The following IQCM variants were observed in gnomAD, a reference collection of about 807,000 sequenced individuals.
IQCM encodes the protein IQ domain-containing protein M.
In IQCM, 45 loss-of-function variants were observed where a neutral mutation model predicts 57.6. That is an observed-to-expected ratio of 0.78 (90% CI 0.62 to 1.00). IQCM has a LOEUF of 1.00. Among genes scored for constraint, IQCM ranks in the 50% least tolerant of loss-of-function variants. The pLI, the probability that IQCM is intolerant of heterozygous loss-of-function variation, is 0.00. For missense variants in IQCM, 468 were observed against 511.6 expected (o/e 0.91, Z 0.82); for synonymous variants, 148 against 158.9 (o/e 0.93, Z 0.51).
In IQCM at chr4:149,615,408, G is replaced by C. The variant is rs1579710946; in HGVS notation, c.681+5721C>G. ...CTTAGTACTTCAGAGACCATAAAAA[G>C]TAATACTAGAAACTGTTTCTTCAGG... On this transcript the variant is annotated intron_variant, in intron 8 of 13. Coordinates refer to ENST00000636793, the MANE Select transcript of IQCM (RefSeq NM_001363507.2). Among the ~76,000 whole-genome samples, 5 of 152,144 alleles carry C rather than the reference G, an allele frequency of 3.3e-5. No homozygotes were observed. In the South Asian group the frequency reaches 1.0e-3, roughly 32 times the overall value.
At chr4:149,378,485 A>T (rs192120073) in intron 13 of IQCM, among the ~76,000 whole-genome samples, 1 of 152,162 alleles carries the variant, frequency 6.6e-6, no homozygotes, top group South Asian at 2.1e-4. Flanking sequence ...ACTTGTTGGG[A>T]ACTGAAGCAA....
In IQCM at chr4:149,352,061, C is replaced by T. The variant is rs762567052; in HGVS notation, c.1396G>A (p.Gly466Arg). Residue 466 changes from glycine to arginine, a missense_variant, in exon 14 of 14, where the codon GGA becomes AGA. Physicochemically the swap from Gly to Arg is moderately radical, Grantham distance 125 (BLOSUM62 -2). Coordinates refer to ENST00000636793, the MANE Select transcript of IQCM (RefSeq NM_001363507.2). ...GEEGYRYIVN[G>R]HPALKRANIR... ...TTAGCTCGTTTGAGTGCTGGATGTC[C>T]ATTTACTATAATACAAAACATACAG... 2.0e-5 allele frequency: 8 copies of T among 398,782 alleles called. No homozygotes were observed. Among genetic ancestry groups the T allele is most frequent in the Non-Finnish European group, 3.1e-5 (7 of 226,018 alleles). The allele number at this position is 398,782 out of a possible 1,614,324, so 24.7% of individuals were successfully genotyped here.
intron 8 of IQCM, among the ~76,000 whole-genome samples, chr4:149,601,824 C>T (rs1212241498): frequency 1.3e-5 from 2 of 151,696 alleles, no homozygotes; most frequent in Non-Finnish European, 2.9e-5. Context: ...TTTGAGAGGC[C>T]AAGGCAGGCA....
At chr4:149,481,970 G>A (rs1056139924) in intron 12 of IQCM, among the ~76,000 whole-genome samples, 1 of 150,788 alleles carries the variant, frequency 6.6e-6, no homozygotes, top group Admixed American at 6.6e-5. Flanking sequence ...GTGTTTTATA[G>A]TTTTCATTAT....
At chr4:149,516,613 A>G (rs1744997077) in intron 12 of IQCM, among the ~76,000 whole-genome samples, 1 of 152,168 alleles carries the variant, frequency 6.6e-6, no homozygotes, top group African/African-American at 2.4e-5. Context: ...TGTTCAATAT[A>G]TGGCACTGTT....
chr4:149,726,143 A>AAAG (rs1765920754), intron 5 of IQCM, among the ~76,000 whole-genome samples: 2 of 124,408 alleles, frequency 1.6e-5, no homozygotes, highest in African/African-American at 3.6e-5. Flanking sequence ...AAGAAAGAAA[A>AAAG]GAAAGAAAGA....
At chr4:149,368,592 G>A (rs572136709) in intron 13 of IQCM, among the ~76,000 whole-genome samples, 2 of 150,920 alleles carry the variant, frequency 1.3e-5, no homozygotes, top group South Asian at 2.1e-4. Context: ...TCTAAGCAAG[G>A]ACATGAGAGA....
chr4:149,490,058 T>G (rs945376403), intron 12 of IQCM, among the ~76,000 whole-genome samples: 1 of 151,986 alleles, frequency 6.6e-6, no homozygotes, highest in Non-Finnish European at 1.5e-5. Flanking sequence ...CTAGAAGCAG[T>G]TTCTGAAAAT....
At chr4:149,470,705 T>C (rs971148510) in intron 12 of IQCM, among the ~76,000 whole-genome samples, 1 of 152,144 alleles carries the variant, frequency 6.6e-6, no homozygotes, top group African/African-American at 2.4e-5. Flanking sequence ...TATTCCAAAA[T>C]TGACCACATA....
intron 7 of IQCM, among the ~76,000 whole-genome samples, chr4:149,640,523 A>G (rs1049450649): frequency 6.6e-6 from 1 of 152,288 alleles, no homozygotes; most frequent in Non-Finnish European, 1.5e-5. Flanking sequence ...CAAAGCTATC[A>G]TCTTCTCTTC....
chr4:149,594,365 T>G (rs1009342957), intron 8 of IQCM, among the ~76,000 whole-genome samples: 1 of 152,184 alleles, frequency 6.6e-6, no homozygotes, highest in Non-Finnish European at 1.5e-5. Context: ...TTATTAGTCT[T>G]GCTAGCGGTC....
intron 5 of IQCM, among the ~76,000 whole-genome samples, chr4:149,694,654 T>C (rs528371649): frequency 2.6e-4 from 39 of 152,302 alleles, no homozygotes; most frequent in African/African-American, 8.2e-4. Context: ...TTCTATAATT[T>C]AAAGCTCAAG....
chr4:149,720,127 A>T (rs1042705174), intron 5 of IQCM, among the ~76,000 whole-genome samples: 1 of 152,248 alleles, frequency 6.6e-6, no homozygotes, highest in East Asian at 1.9e-4. Flanking sequence ...AGTACAAAAC[A>T]TTGAACAAAC....
chr4:149,803,967 G>T lies in IQCM; in HGVS notation c.-49+11344C>A, dbSNP rs1032731475. Among the ~76,000 whole-genome samples the T allele has an allele frequency of 3.3e-5, 5 of 152,034 alleles. No homozygotes were observed. The South Asian group carries it at 8.3e-4, about 25-fold the overall frequency. ...TGCCCTTGGGTTGTGATCTTCAAAA[G>T]TGCTTCTTAGCTTCTCCCTCCTCCC... is the stretch of plus-strand genomic sequence containing the variant. On this transcript the variant is annotated intron_variant, in intron 2 of 13. Transcript: ENST00000636793.
chr4:149,383,297 CT>C (rs1433211967), intron 13 of IQCM, among the ~76,000 whole-genome samples: 1 of 152,088 alleles, frequency 6.6e-6, no homozygotes, highest in Non-Finnish European at 1.5e-5. Context: ...ATCTAGGAAA[CT>C]TAGGTAATAT....
At chr4:149,412,881 G>A (rs1449994293) in intron 13 of IQCM, among the ~76,000 whole-genome samples, 1 of 152,138 alleles carries the variant, frequency 6.6e-6, no homozygotes, top group East Asian at 1.9e-4. Flanking sequence ...GGCATGCCCA[G>A]GGAAAGTTAA....
chr4:149,648,896 A>G (rs1269579908), intron 7 of IQCM, among the ~76,000 whole-genome samples: 4 of 152,126 alleles, frequency 2.6e-5, no homozygotes, highest in African/African-American at 9.7e-5. Flanking sequence ...TTAAAGTATA[A>G]TAAAAAAAAG....
chr4:149,369,376 T>C (rs1730204058), intron 13 of IQCM, among the ~76,000 whole-genome samples: 1 of 151,822 alleles, frequency 6.6e-6, no homozygotes, highest in African/African-American at 2.4e-5. Context: ...CTGACCTAGA[T>C]CCTAATATTC....
At chr4:149,527,268 C>T (rs1257632731) in intron 12 of IQCM, among the ~76,000 whole-genome samples, 3 of 152,152 alleles carry the variant, frequency 2.0e-5, no homozygotes, top group Non-Finnish European at 4.4e-5. Context: ...AGATGTGTTG[C>T]TTTATATGTG....
Sources: allele counts gnomAD v4.1 joint callset (sites outside exome capture counted in the v4.1 genomes callset), GRCh38; gene constraint gnomAD v4.1.1; transcripts MANE v1.5; gene names NCBI Gene and HGNC (gene_info 2026-07-23, HGNC 2026-07-21).